Variants in DSCAM observed in about 807,000 individuals in gnomAD.
DSCAM encodes DS cell adhesion molecule.
Under a neutral mutation model 217.7 loss-of-function variants are expected in DSCAM, and 47 were observed. The observed-to-expected ratio is 0.22, with a 90% confidence interval of 0.17 to 0.28. DSCAM has a LOEUF of 0.28. DSCAM is among the 10% of genes least tolerant of loss of function. The pLI is 1.00. For synonymous variants in DSCAM, 1,056 were observed against 1,015.3 expected, an observed-to-expected ratio of 1.04 and a Z score of -0.76; for missense variants, 2,080 against 2,618.3, an observed-to-expected ratio of 0.79 and a Z score of 4.49.
At chr21:40,326,763 G>T (rs2074321779) in intron 8 of DSCAM, among the ~76,000 whole-genome samples, 1 of 151,980 alleles carries the variant, frequency 6.6e-6, no homozygotes, top group Non-Finnish European at 1.5e-5. Context: ...AAAATGTGGG[G>T]TACAGTCCAG....
chr21:40,451,987 T>A (rs2075723453), intron 3 of DSCAM, among the ~76,000 whole-genome samples: 2 of 152,122 alleles, frequency 1.3e-5, no homozygotes, highest in African/African-American at 2.4e-5. Flanking sequence ...TCAGCGCTAC[T>A]GCTGAAAGAT....
At chr21:40,783,789 A>G (rs932099663) in intron 1 of DSCAM, among the ~76,000 whole-genome samples, 4 of 152,196 alleles carry the variant, frequency 2.6e-5, no homozygotes, top group African/African-American at 9.6e-5. Context: ...TTGAAGGCAA[A>G]TGACTGTGAT....
chr21:40,483,097 C>G (rs2075996187), intron 3 of DSCAM, among the ~76,000 whole-genome samples: 1 of 152,144 alleles, frequency 6.6e-6, no homozygotes, highest in Non-Finnish European at 1.5e-5. Flanking sequence ...TTTAAAATGT[C>G]CCACGCAATT....
chr21:40,687,912 C>A (rs1312210708), intron 3 of DSCAM, among the ~76,000 whole-genome samples: 1 of 152,104 alleles, frequency 6.6e-6, no homozygotes, highest in South Asian at 2.1e-4. Flanking sequence ...TCTATGATGC[C>A]CAGACCCAGT....
At chr21:40,094,159 C>T (rs373157837) in intron 20 of DSCAM, among the ~76,000 whole-genome samples, 2 of 152,102 alleles carry the variant, frequency 1.3e-5, no homozygotes, top group Admixed American at 6.6e-5. Flanking sequence ...TAACAAGAAC[C>T]AGATTTACCC....
chr21:40,839,703 T>A (rs558416344), intron 1 of DSCAM, among the ~76,000 whole-genome samples: 4 of 152,262 alleles, frequency 2.6e-5, no homozygotes, highest in African/African-American at 9.6e-5. Flanking sequence ...AAGCTAGCAT[T>A]TAGTATGGAG....
chr21:40,052,257 A>AG, intron 29 of DSCAM, 150 bp from the exon 30 acceptor site: 11 of 911,022 alleles, frequency 1.2e-5, no homozygotes, highest in Non-Finnish European at 1.6e-5. Context: ...TTGAAAATTC[A>AG]AGCACTGAAT....
At chr21:40,134,820 T>A (rs2090190446) in intron 18 of DSCAM, among the ~76,000 whole-genome samples, 1 of 152,126 alleles carries the variant, frequency 6.6e-6, no homozygotes, top group African/African-American at 2.4e-5. Flanking sequence ...CATATTTAAA[T>A]AAGAAAAAAA....
At chr21:40,041,674 G>A (rs892752541) in intron 32 of DSCAM, among the ~76,000 whole-genome samples, 4 of 152,206 alleles carry the variant, frequency 2.6e-5, no homozygotes, top group South Asian at 4.1e-4. Flanking sequence ...CAACCCGGAC[G>A]ATTCACAGGT....
chr21:40,580,547 A>C (rs1391257518), intron 3 of DSCAM, among the ~76,000 whole-genome samples: 2 of 152,072 alleles, frequency 1.3e-5, no homozygotes, highest in African/African-American at 2.4e-5. Context: ...TCAAAAAAAA[A>C]CAAAACAGAC....
Position 40,016,654 on chromosome 21 carries a change from G to C in DSCAM, c.5687-3268C>G, listed in dbSNP as rs1256502314. Among the ~76,000 whole-genome samples, 6 of 152,198 alleles carry C rather than the reference G, an allele frequency of 3.9e-5. No individual in the cohort carries two copies. The highest frequency in any genetic ancestry group is 7.2e-5 in the African/African-American group (3 of 41,446). On this transcript the variant is annotated intron_variant, in intron 32 of 32. Coordinates refer to ENST00000400454, the MANE Select transcript of DSCAM (RefSeq NM_001389.5). The surrounding 1 kb of genome is among the most constrained non-coding windows in gnomAD (Gnocchi z 4.3). Reference sequence around the variant, plus strand: ...TGGACCCATAGGCCCCGAAGGTGCAGGCTGAGGGGATCTGAGACCACCTGA... The same window carrying C: ...TGGACCCATAGGCCCCGAAGGTGCACGCTGAGGGGATCTGAGACCACCTGA...
chr21:40,232,067 A>G (rs1418988808), intron 11 of DSCAM, among the ~76,000 whole-genome samples: 1 of 152,124 alleles, frequency 6.6e-6, no homozygotes, highest in Admixed American at 6.5e-5. Flanking sequence ...CCCACAATGA[A>G]TATAGTAATT....
In DSCAM at chr21:40,075,132, G is replaced by A; in HGVS notation, c.4793C>T (p.Thr1598Ile). ...TTNEGLKMLV[T>I]ISCILVGVLL... ...GACCCCCACCAGGATACAGGAGATG[G>A]TCACCAGCATCTTGAGCCCCTCGTT... The change falls in exon 27 of 33, where the codon ACC becomes ATC. Residue 1598 changes from threonine to isoleucine, a missense_variant. Thr to Ile is a moderately conservative substitution (Grantham distance 89). Coordinates refer to ENST00000400454, the MANE Select transcript of DSCAM (RefSeq NM_001389.5). The A allele has an allele frequency of 1.2e-6, 2 of 1,614,236 alleles. No homozygotes were observed. The highest frequency in any genetic ancestry group is 1.7e-6 in the Non-Finnish European group (2 of 1,180,042).
At chr21:40,610,833 C>T (rs1478670084) in intron 3 of DSCAM, among the ~76,000 whole-genome samples, 8 of 152,134 alleles carry the variant, frequency 5.3e-5, no homozygotes, top group African/African-American at 1.9e-4. Context: ...AGCAGTTTTG[C>T]TGCAGGACTT....
intron 3 of DSCAM, among the ~76,000 whole-genome samples, chr21:40,561,967 C>T (rs191703710): frequency 2.0e-5 from 3 of 152,194 alleles, no homozygotes; most frequent in Non-Finnish European, 2.9e-5. Flanking sequence ...AAAGTGACTT[C>T]GGTGACATTT....
chr21:40,596,605 G>C (rs59941772), intron 3 of DSCAM, among the ~76,000 whole-genome samples: 7,768 of 152,146 alleles, frequency 0.051, 590 homozygotes, highest in African/African-American at 0.16. Flanking sequence ...TTAAAAACAA[G>C]AACAACAGAA....
At chr21:40,171,356 G>A (rs2090655777) in intron 15 of DSCAM, among the ~76,000 whole-genome samples, 1 of 152,164 alleles carries the variant, frequency 6.6e-6, no homozygotes, top group Non-Finnish European at 1.5e-5. Flanking sequence ...GGGATTACAG[G>A]TGTGAGCCAC....
chr21:40,681,058 A>G (rs1341819126), intron 3 of DSCAM, among the ~76,000 whole-genome samples: 1 of 152,246 alleles, frequency 6.6e-6, no homozygotes, highest in East Asian at 1.9e-4. Flanking sequence ...TTTTGTAATC[A>G]AGGGTAACTT....
At chr21:40,102,923 C>G (rs1010574947) in intron 20 of DSCAM, among the ~76,000 whole-genome samples, 1 of 152,134 alleles carries the variant, frequency 6.6e-6, no homozygotes, top group Admixed American at 6.5e-5. Context: ...TCAGGCTCCC[C>G]GACCCATCCC....
Sources: allele counts gnomAD v4.1 joint callset (sites outside exome capture counted in the v4.1 genomes callset), GRCh38; gene constraint gnomAD v4.1.1; non-coding constraint Gnocchi (gnomAD v3.1); transcripts MANE v1.5; gene names NCBI Gene and HGNC (gene_info 2026-07-23, HGNC 2026-07-21).